Variants in LRRC4C observed in about 807,000 individuals in gnomAD.
LRRC4C encodes the protein leucine-rich repeat-containing protein 4C.
Under a neutral mutation model 33.6 loss-of-function variants are expected in LRRC4C, and 5 were observed. That is an observed-to-expected ratio of 0.15 (90% confidence interval 0.08 to 0.31). LRRC4C has a LOEUF of 0.31. Among genes scored for constraint, LRRC4C ranks in the 10% least tolerant of loss-of-function variants. LRRC4C has a pLI of 1.00. For missense variants in LRRC4C, 560 were observed against 796.7 expected, an observed-to-expected ratio of 0.70 and a Z score of 3.58; for synonymous variants, 329 against 302.0, an observed-to-expected ratio of 1.09 and a Z score of -0.93.
chr11:40,166,946 A>T (rs1381102373), intron 5 of LRRC4C, among the ~76,000 whole-genome samples: 4 of 152,170 alleles, frequency 2.6e-5, no homozygotes, highest in African/African-American at 9.6e-5. Flanking sequence ...GGGGCCCATG[A>T]TATAAGTTCA....
At chr11:41,196,542 C>G (rs540665363) in intron 1 of LRRC4C, among the ~76,000 whole-genome samples, 12 of 152,102 alleles carry the variant, frequency 7.9e-5, no homozygotes, top group Non-Finnish European at 1.3e-4. Context: ...GGAATAAATA[C>G]TTGATCACTG....
chr11:40,297,220 A>C (rs1272907850), intron 4 of LRRC4C, among the ~76,000 whole-genome samples: 1 of 152,184 alleles, frequency 6.6e-6, no homozygotes, highest in African/African-American at 2.4e-5. Context: ...AACTCTATTG[A>C]AGCACAATAC....
intron 1 of LRRC4C, among the ~76,000 whole-genome samples, chr11:41,296,689 C>G (rs926608117): frequency 6.6e-6 from 1 of 152,078 alleles, no homozygotes; most frequent in Non-Finnish European, 1.5e-5. Context: ...GGGAACCTAG[C>G]CAAGAAACTA....
chr11:40,756,982 G>A lies in LRRC4C; in HGVS notation c.-406-108704C>T, dbSNP rs150269839. Among the ~76,000 whole-genome samples, 23 of 151,880 alleles carry A rather than the reference G, an allele frequency of 1.5e-4. 1 individual carries two copies. The East Asian group carries it at 4.1e-3, about 27-fold the overall frequency. ...AGAAGCACTTATCCTTCTTTTAAAC[G>A]TAGTAGCATCCTTTGCTTGGCTGAT... On this transcript the variant is annotated intron_variant, in intron 2 of 6. Transcript: ENST00000528697.
At chr11:40,344,832 A>G (rs766218630) in intron 3 of LRRC4C, among the ~76,000 whole-genome samples, 1 of 152,172 alleles carries the variant, frequency 6.6e-6, no homozygotes, top group Non-Finnish European at 1.5e-5. Flanking sequence ...CAATGTAAAA[A>G]ATCAGTAGTA....
chr11:41,054,417 C>T (rs1021884876), intron 1 of LRRC4C, among the ~76,000 whole-genome samples: 1 of 152,158 alleles, frequency 6.6e-6, no homozygotes, highest in African/African-American at 2.4e-5. Context: ...AGGGAATTCT[C>T]AGGGAATGGA....
At chr11:40,319,961 A>T (rs1015798960) in intron 3 of LRRC4C, among the ~76,000 whole-genome samples, 2 of 152,090 alleles carry the variant, frequency 1.3e-5, no homozygotes, top group African/African-American at 4.8e-5. Context: ...ATATAAATAT[A>T]TACATATATC....
rs551336075 is a variant in LRRC4C at position 40,825,273 on chromosome 11, C to T, written c.-407+108362G>A. ...TATAAAACGATGGCTCTCACTATGC[C>T]GTGTTGCCGAGATCTAAATGATGAA... On this transcript the variant is annotated intron_variant, in intron 2 of 6. Transcript: ENST00000528697. 5.4e-4 allele frequency among the ~76,000 whole-genome samples: 82 copies of T among 151,848 alleles called. 1 individual carries two copies. In the South Asian group the frequency reaches 0.011, roughly 20 times the overall value.
At chr11:40,271,465 G>T (rs1164228643) in intron 4 of LRRC4C, among the ~76,000 whole-genome samples, 7 of 152,164 alleles carry the variant, frequency 4.6e-5, no homozygotes, top group African/African-American at 1.7e-4. Context: ...TAGAAGGGAG[G>T]ATTTCAAAAC....
At chr11:40,784,074 G>A (rs915275951) in intron 2 of LRRC4C, among the ~76,000 whole-genome samples, 5 of 118,866 alleles carry the variant, frequency 4.2e-5, no homozygotes, top group Non-Finnish European at 7.8e-5. Flanking sequence ...AATGAAAGAT[G>A]TTTATTTATA....
In LRRC4C at chr11:40,150,315, T is replaced by C. The variant is rs11035713; in HGVS notation, c.-95-9462A>G. Among the ~76,000 whole-genome samples the C allele has an allele frequency of 1.2e-4, 18 of 152,378 alleles. No homozygotes were observed. In the East Asian group the frequency reaches 3.5e-3, roughly 29 times the overall value. ...CACATCTGGCTTCTGGGGGCTAGTA[T>C]GTAGATTTTTTGTGTAAAACCATCC... On this transcript the variant is annotated intron_variant, in intron 5 of 6. Transcript: ENST00000528697.
intron 1 of LRRC4C, among the ~76,000 whole-genome samples, chr11:40,948,930 G>A (rs1218272555): frequency 6.6e-6 from 1 of 152,038 alleles, no homozygotes; most frequent in East Asian, 1.9e-4. Context: ...CTAGATCCCT[G>A]AGGAATTGCC....
intron 2 of LRRC4C, among the ~76,000 whole-genome samples, chr11:40,723,367 A>G (rs1387787840): frequency 1.3e-5 from 2 of 152,134 alleles, no homozygotes; most frequent in Non-Finnish European, 2.9e-5. Context: ...GAAAAGCATC[A>G]TATCACCTAT....
intron 1 of LRRC4C, among the ~76,000 whole-genome samples, chr11:41,174,660 T>C (rs1459410779): frequency 6.6e-6 from 1 of 152,124 alleles, no homozygotes; most frequent in Admixed American, 6.6e-5. Context: ...CTCAACTGCA[T>C]TTTGAACACA....
rs147238144 is a variant in LRRC4C, at chr11:40,633,351, T to C, written c.-270+14791A>G. 1.7e-3 allele frequency among the ~76,000 whole-genome samples: 64 copies of C among 37,692 alleles called. 5 individuals are homozygous for C. Among genetic ancestry groups the C allele is most frequent in the African/African-American group, 4.6e-3 (32 of 6,980 alleles). 24.7% of individuals were successfully genotyped at this position (37,692 alleles called of 152,430 possible). A position where few individuals can be genotyped will look rare whatever the true frequency, so the allele number is the denominator to read the frequency against. ...TTTCTTTCTTTCTTTCTTTCTTTCTTTCTTTCTTTCTTTCTTTCTTTCTCT... is the reference window on the plus strand; with the variant it reads ...TTTCTTTCTTTCTTTCTTTCTTTCTCTCTTTCTTTCTTTCTTTCTTTCTCT... On this transcript the variant is annotated intron_variant, in intron 3 of 6. Transcript: ENST00000528697.
At chr11:40,410,182 T>A (rs1019940074) in intron 3 of LRRC4C, among the ~76,000 whole-genome samples, 2 of 151,962 alleles carry the variant, frequency 1.3e-5, no homozygotes, top group Non-Finnish European at 2.9e-5. Context: ...ACATGTTGTA[T>A]AATAGAAATG....
At chr11:40,516,898 C>T (rs1955581962) in intron 3 of LRRC4C, among the ~76,000 whole-genome samples, 1 of 152,138 alleles carries the variant, frequency 6.6e-6, no homozygotes, top group African/African-American at 2.4e-5. Context: ...GTTAGGTTCT[C>T]TGCACTATTT....
chr11:41,120,566 G>C (rs1408856661), intron 1 of LRRC4C, among the ~76,000 whole-genome samples: 1 of 152,196 alleles, frequency 6.6e-6, no homozygotes, highest in African/African-American at 2.4e-5. Context: ...TTGGGCTACT[G>C]TTTGACAGTG....
rs188247433 is a variant in LRRC4C, at chr11:41,392,257, G to A, written c.-496+67174C>T. ...CTTTCCCACGTATGATGTAAGCCAC[G>A]TGGTGAATTTTCTTGTCAAGATGTG... On this transcript the variant is annotated intron_variant, in intron 1 of 6. Coordinates refer to ENST00000528697, the MANE Select transcript of LRRC4C (RefSeq NM_001258419.2). Among the ~76,000 whole-genome samples, 479 of 151,954 alleles carry A rather than the reference G, an allele frequency of 3.2e-3. 5 individuals carry two copies. The highest frequency in any genetic ancestry group is 0.011 in the African/African-American group (455 of 41,496).
Sources: gnomAD v4.1 joint callset for allele counts (sites outside exome capture counted in the v4.1 genomes callset) on GRCh38, gnomAD v4.1.1 for gene constraint, MANE v1.5 for transcripts, NCBI Gene and HGNC (gene_info 2026-07-23, HGNC 2026-07-21) for gene names.